ZNF486: variants seen among roughly 807,000 people sequenced by gnomAD.
ZNF486 encodes the protein zinc finger protein 486, also known as KRAB box only protein 2.
In ZNF486, 12 loss-of-function variants were observed where a neutral mutation model predicts 12.8. That is an observed-to-expected ratio of 0.94 (90% CI 0.60 to 1.52). The LOEUF (loss-of-function observed/expected upper bound fraction) is 1.52, where lower values mean the gene tolerates loss of function less well. Among genes scored for constraint, ZNF486 ranks in the 40% most tolerant of loss-of-function variants. ZNF486 has a pLI of 0.00. For synonymous variants in ZNF486, 231 were observed against 184.9 expected (o/e 1.25, Z -2.02); for missense variants, 738 against 545.0 (o/e 1.35, Z -3.53).
intron 1 of ZNF486, among the ~76,000 whole-genome samples, chr19:20,173,663 A>T (rs549937170): frequency 7.2e-5 from 11 of 151,970 alleles, no homozygotes; most frequent in Non-Finnish European, 1.5e-4. Flanking sequence ...ACCCATCTCT[A>T]CTAAAAATAC....
At chr19:20,175,352 T>TTTTTTTTTTTTTTTTTTTTTTTTTTG in intron 1 of ZNF486, 1 of 141,026 alleles carries the variant, frequency 7.1e-6, no homozygotes, top group African/African-American at 2.7e-5. Flanking sequence ...TTTTTTTTTA[T>TTTTTTTTTTTTTTTTTTTTTTTTTTG]TGATCATTCT....
intron 1 of ZNF486, among the ~76,000 whole-genome samples, chr19:20,178,723 C>T (rs78775774): frequency 0.044 from 6,640 of 152,306 alleles, 213 homozygotes; most frequent in Middle Eastern, 0.082. Context: ...AATTGTGTCT[C>T]TATTTGTTAT....
At chr19:20,187,589 C>A (rs913086618) in intron 3 of ZNF486, among the ~76,000 whole-genome samples, 2 of 151,006 alleles carry the variant, frequency 1.3e-5, no homozygotes, top group Non-Finnish European at 2.9e-5. Context: ...GCAACCTCCA[C>A]CTCCCGGGTT....
rs782190534 is a variant in ZNF486, at chr19:20,197,441, G to T, written c.731G>T (p.Gly244Val). 1.2e-6 allele frequency: 2 copies of T among 1,612,858 alleles called. No homozygotes were observed. The highest frequency in any genetic ancestry group is 2.2e-5 in the East Asian group (1 of 44,850). ...REKPYKCEEC[G>V]KVFKYFSSFT... is the part of the protein sequence containing the mutation. ...AAACCCTACAAATGTGAAGAATGTGGCAAAGTCTTTAAGTACTTCTCTAGC... is the reference window on the plus strand; with the variant it reads ...AAACCCTACAAATGTGAAGAATGTGTCAAAGTCTTTAAGTACTTCTCTAGC... The change falls in exon 4 of 4, where the codon GGC becomes GTC. Residue 244 changes from glycine (G) to valine (V), a missense_variant. Physicochemically the swap from Gly to Val is moderately radical, Grantham distance 109. Coordinates refer to ENST00000335117, the MANE Select transcript of ZNF486 (RefSeq NM_052852.4).
intron 3 of ZNF486, among the ~76,000 whole-genome samples, chr19:20,191,601 C>G (rs1308434525): frequency 3.3e-5 from 5 of 150,898 alleles, no homozygotes; most frequent in African/African-American, 1.2e-4. Context: ...AACCCCGTCT[C>G]TATTAAAAAT....
chr19:20,191,822 T>C (rs2089906424), intron 3 of ZNF486, among the ~76,000 whole-genome samples: 2 of 152,110 alleles, frequency 1.3e-5, no homozygotes, highest in South Asian at 2.1e-4. Flanking sequence ...TATTCCTCTG[T>C]ATGCAAAATA....
intron 1 of ZNF486, among the ~76,000 whole-genome samples, chr19:20,181,783 T>C (rs1413429300): frequency 1.3e-5 from 2 of 152,178 alleles, no homozygotes; most frequent in African/African-American, 2.4e-5. Context: ...TTTTACAGTG[T>C]TTTAAAAAAA....
rs880002780 is a variant in ZNF486 at position 20,199,447 on chromosome 19, G to A, written c.*1345G>A. Reference sequence around the variant, plus strand: ...GAAACACTTCTTAGATAAATTATTTGTGGCTGGGCACAGTGGCTCATGCCT... The same window carrying A: ...GAAACACTTCTTAGATAAATTATTTATGGCTGGGCACAGTGGCTCATGCCT... On this transcript the variant is annotated 3_prime_UTR_variant, in exon 4 of 4. Coordinates refer to ENST00000335117, the MANE Select transcript of ZNF486 (RefSeq NM_052852.4). The A allele has an allele frequency of 6.6e-6, 1 of 152,124 alleles. No homozygotes were observed. The highest frequency in any genetic ancestry group is 1.9e-4 in the East Asian group (1 of 5,190). The allele number at this position is 152,124 out of a possible 1,614,324, so 9.4% of individuals were successfully genotyped here.
At chr19:20,169,888 G>GTTTTTT (rs781968530) in intron 1 of ZNF486, among the ~76,000 whole-genome samples, 2 of 108,914 alleles carry the variant, frequency 1.8e-5, no homozygotes, top group Non-Finnish European at 3.7e-5. Context: ...GGGGTTGTAT[G>GTTTTTT]TTTTTTTTTT....
chr19:20,181,162 G>C (rs1157262676), intron 1 of ZNF486, among the ~76,000 whole-genome samples: 4 of 150,684 alleles, frequency 2.7e-5, no homozygotes, highest in Non-Finnish European at 5.9e-5. Flanking sequence ...GGACTGATTA[G>C]TAGAGATCAG....
chr19:20,181,090 C>G lies in ZNF486; in HGVS notation c.31-3266C>G, dbSNP rs556408462. Among the ~76,000 whole-genome samples, 4 of 151,936 alleles carry G rather than the reference C, an allele frequency of 2.6e-5. No homozygotes were observed. In the East Asian group the frequency reaches 7.8e-4, roughly 30 times the overall value. On this transcript the variant is annotated intron_variant, in intron 1 of 3. Transcript: ENST00000335117. ...GTCCTCACACTGCCTGAGACCTGAT[C>G]AGATTCATGCTTTTTGGAGGCGTTA...
Position 20,197,120 on chromosome 19 carries a change from G to A in ZNF486, c.410G>A (p.Arg137Lys). 6.2e-7 allele frequency: 1 copy of A among 1,613,836 alleles called. No homozygotes were observed. The highest frequency in any genetic ancestry group is 8.5e-7 in the Non-Finnish European group (1 of 1,179,944). Residue 137 changes from arginine to lysine, a missense_variant, in exon 4 of 4, where the codon AGA becomes AAA. Coordinates refer to ENST00000335117, the MANE Select transcript of ZNF486 (RefSeq NM_052852.4). ...GTGGATGAGTGTAAGTTACACAAAA[G>A]AGGTTATAATGGACTTAACCAATGT... ...ESVDECKLHK[R>K]GYNGLNQCLT...
chr19:20,194,358 T>C (rs1017591965), intron 3 of ZNF486, among the ~76,000 whole-genome samples: 1 of 152,232 alleles, frequency 6.6e-6, no homozygotes, highest in South Asian at 2.1e-4. Context: ...TTATTGCATT[T>C]GACAGCTTTT....
At chr19:20,188,611 C>T (rs782474239) in intron 3 of ZNF486, 6 of 396,172 alleles carry the variant, frequency 1.5e-5, no homozygotes, top group East Asian at 3.6e-5. Context: ...TGTGCCACTA[C>T]ACTCCAGCTT....
intron 1 of ZNF486, among the ~76,000 whole-genome samples, chr19:20,177,636 G>C (rs1431359622): frequency 2.0e-5 from 3 of 152,178 alleles, no homozygotes; most frequent in Admixed American, 6.5e-5. Flanking sequence ...GGAGTGCAAT[G>C]GTGCGATCTC....
chr19:20,190,221 A>T (rs568323595), intron 3 of ZNF486, among the ~76,000 whole-genome samples: 1 of 152,324 alleles, frequency 6.6e-6, no homozygotes, highest in Admixed American at 6.5e-5. Flanking sequence ...TTGTATTGAC[A>T]TCTGTGAAGA....
At chr19:20,194,325 G>T (rs782721507) in intron 3 of ZNF486, among the ~76,000 whole-genome samples, 3 of 152,126 alleles carry the variant, frequency 2.0e-5, no homozygotes, top group Non-Finnish European at 4.4e-5. Flanking sequence ...GTTTTATTTG[G>T]TAGTACAATT....
chr19:20,188,596 A>G, intron 3 of ZNF486: 1 of 397,068 alleles, frequency 2.5e-6, no homozygotes, highest in East Asian at 3.6e-5. Context: ...AGGGGGAGTC[A>G]AAATTGTGCC....
intron 3 of ZNF486, among the ~76,000 whole-genome samples, chr19:20,190,460 CTA>C (rs1568325020): frequency 6.6e-6 from 1 of 152,208 alleles, no homozygotes; most frequent in Non-Finnish European, 1.5e-5. Flanking sequence ...TTTTGGCTCA[CTA>C]TAGCCTCAGC....
Sources: gnomAD v4.1 joint callset for allele counts (sites outside exome capture counted in the v4.1 genomes callset) on GRCh38, gnomAD v4.1.1 for gene constraint, MANE v1.5 for transcripts, NCBI Gene and HGNC (gene_info 2026-07-23, HGNC 2026-07-21) for gene names.